SOX6: variants seen among roughly 807,000 people sequenced by gnomAD.
SOX6 encodes SRY-box transcription factor 6.
A neutral mutation model predicts 97.8 loss-of-function variants in SOX6; 11 were observed. The observed-to-expected ratio is 0.11, with a 90% CI of 0.07 to 0.19. The LOEUF is 0.19. Among genes scored for constraint, SOX6 ranks in the 10% least tolerant of loss-of-function variants. The probability of loss-of-function intolerance (pLI) is 1.00; values close to 1 mark genes in which losing one functional copy is unlikely to be tolerated. For missense variants in SOX6, 810 were observed against 1,039.5 expected, an observed-to-expected ratio of 0.78 and a Z score of 3.04; for synonymous variants, 360 against 371.4, an observed-to-expected ratio of 0.97 and a Z score of 0.35.
At chr11:16,321,032 C>T (rs1855906317) in intron 2 of SOX6, among the ~76,000 whole-genome samples, 1 of 152,024 alleles carries the variant, frequency 6.6e-6, no homozygotes, top group South Asian at 2.1e-4. Context: ...CAGAGGAACC[C>T]CTTCTTTTAG....
chr11:16,067,865 C>T (rs1009094069), intron 9 of SOX6, among the ~76,000 whole-genome samples: 2 of 152,034 alleles, frequency 1.3e-5, no homozygotes, highest in African/African-American at 2.4e-5. Context: ...TACTACCTTC[C>T]TATTTGTAGA....
intron 3 of SOX6, among the ~76,000 whole-genome samples, chr11:16,637,301 C>A (rs546932222): frequency 6.6e-6 from 1 of 152,210 alleles, no homozygotes; most frequent in South Asian, 2.1e-4. Flanking sequence ...GCTCACTGCA[C>A]CCTCCACCTG....
chr11:16,120,523 T>C lies in SOX6; in HGVS notation c.778-8600A>G, dbSNP rs1849462248. ...ACTCAGGATTGGGACTTCAAAGTCATATGTTTTAGTTAAAACATTAATAAA... is the reference window on the plus strand; with the variant it reads ...ACTCAGGATTGGGACTTCAAAGTCACATGTTTTAGTTAAAACATTAATAAA... On this transcript the variant is annotated intron_variant, in intron 6 of 15. Transcript: ENST00000683767. 2.6e-5 allele frequency among the ~76,000 whole-genome samples: 4 copies of C among 150,974 alleles called. No individual in the cohort carries two copies. In the South Asian group the frequency reaches 8.3e-4, roughly 31 times the overall value.
intron 12 of SOX6, among the ~76,000 whole-genome samples, chr11:16,019,961 A>C (rs1177205834): frequency 1.3e-5 from 2 of 152,176 alleles, no homozygotes; most frequent in Admixed American, 6.5e-5. Context: ...GTGGAAGCTA[A>C]ATAAGTCTTG....
chr11:16,138,261 T>G (rs951868148), intron 6 of SOX6, among the ~76,000 whole-genome samples: 1 of 152,176 alleles, frequency 6.6e-6, no homozygotes, highest in Non-Finnish European at 1.5e-5. Context: ...ACAACAACAC[T>G]ATTCAGTGGG....
intron 6 of SOX6, among the ~76,000 whole-genome samples, chr11:16,164,167 C>T (rs1452713790): frequency 6.6e-6 from 1 of 152,222 alleles, no homozygotes; most frequent in East Asian, 1.9e-4. Context: ...GAAGGTCTCA[C>T]TATGTTGCCC....
intron 1 of SOX6, among the ~76,000 whole-genome samples, chr11:16,418,232 C>T (rs1422611719): frequency 1.3e-5 from 2 of 152,124 alleles, no homozygotes; most frequent in Non-Finnish European, 2.9e-5. Flanking sequence ...TCCTGAAGTA[C>T]AAGGTATTTT....
intron 10 of SOX6, among the ~76,000 whole-genome samples, chr11:16,054,114 G>C (rs180821661): frequency 1.2e-3 from 176 of 152,236 alleles, no homozygotes; most frequent in Middle Eastern, 3.4e-3. Flanking sequence ...AGATGGAATA[G>C]TAAAAGCAGA....
At chr11:16,660,901 AC>A (rs1457788993) in intron 3 of SOX6, among the ~76,000 whole-genome samples, 38 of 152,186 alleles carry the variant, frequency 2.5e-4, no homozygotes, top group African/African-American at 8.9e-4. Context: ...TTTAAAAGTC[AC>A]CCAGTTTTTG....
chr11:16,443,217 T>C (rs1348902247), intron 1 of SOX6, among the ~76,000 whole-genome samples: 3 of 152,206 alleles, frequency 2.0e-5, no homozygotes, highest in African/African-American at 7.2e-5. Context: ...TCTACATATA[T>C]TTTTTCATTC....
intron 4 of SOX6, among the ~76,000 whole-genome samples, chr11:16,524,019 A>G (rs1177688147): frequency 6.6e-6 from 1 of 152,122 alleles, no homozygotes; most frequent in African/African-American, 2.4e-5. Context: ...GAGGGACCAG[A>G]TGGATTCACA....
At chr11:16,080,035 C>T (rs1368801407) in intron 9 of SOX6, among the ~76,000 whole-genome samples, 1 of 147,452 alleles carries the variant, frequency 6.8e-6, no homozygotes, top group Non-Finnish European at 1.5e-5. Context: ...AAGCAGGTAA[C>T]AGTTAATATA....
At chr11:16,658,287 T>C (rs1847738873) in intron 3 of SOX6, among the ~76,000 whole-genome samples, 1 of 152,240 alleles carries the variant, frequency 6.6e-6, no homozygotes, top group Non-Finnish European at 1.5e-5. Context: ...GCCACACATA[T>C]TTTCTCTTTT....
At chr11:15,992,749 C>T (rs529229505) in intron 13 of SOX6, among the ~76,000 whole-genome samples, 1 of 152,234 alleles carries the variant, frequency 6.6e-6, no homozygotes, top group South Asian at 2.1e-4. Context: ...AAGGTTTCTG[C>T]TTTTCTGTCT....
chr11:16,163,291 T>A (rs1297040621), intron 6 of SOX6, among the ~76,000 whole-genome samples: 5 of 152,168 alleles, frequency 3.3e-5, no homozygotes, highest in Non-Finnish European at 7.4e-5. Context: ...CTGTGGTTGG[T>A]CTGAAAAAAG....
At chr11:16,404,308 T>C (rs750867948) in intron 1 of SOX6, among the ~76,000 whole-genome samples, 20 of 151,912 alleles carry the variant, frequency 1.3e-4, no homozygotes, top group Non-Finnish European at 2.5e-4. Context: ...AATCTCACTG[T>C]TGCACACTTT....
chr11:16,622,820 T>C (rs1429678028), intron 3 of SOX6, among the ~76,000 whole-genome samples: 14 of 152,200 alleles, frequency 9.2e-5, no homozygotes, highest in Non-Finnish European at 5.9e-5. Flanking sequence ...AGTTCTACTT[T>C]TAGTTGTTTA....
chr11:16,464,719 G>A (rs546441543), intron 1 of SOX6, among the ~76,000 whole-genome samples: 1 of 152,094 alleles, frequency 6.6e-6, no homozygotes, highest in African/African-American at 2.4e-5. Context: ...CAATATCAGA[G>A]TGTAATACAT....
chr11:16,136,173 C>T lies in SOX6; in HGVS notation c.778-24250G>A, dbSNP rs781170675. On this transcript the variant is annotated intron_variant, in intron 6 of 15. Coordinates refer to ENST00000683767, the MANE Select transcript of SOX6 (RefSeq NM_001367873.1). ...AGCTGGGACTACAGTTGCGCACCAA[C>T]ACGCCCAGCTAATTTTTTTGTATTT... 5.3e-5 allele frequency among the ~76,000 whole-genome samples: 8 copies of T among 152,046 alleles called. No individual in the cohort carries two copies. In the East Asian group the frequency reaches 7.8e-4, roughly 15 times the overall value.
Sources: gnomAD v4.1 joint callset for allele counts (sites outside exome capture counted in the v4.1 genomes callset) on GRCh38, gnomAD v4.1.1 for gene constraint, MANE v1.5 for transcripts, NCBI Gene and HGNC (gene_info 2026-07-23, HGNC 2026-07-21) for gene names.